NBPF8: variants seen among roughly 807,000 people sequenced by gnomAD.
NBPF8 encodes NBPF member 8, also known as NBPF family member NBPF8.
chr1:120,416,680 G>T (rs1265032126), upstream of NBPF8, among the ~76,000 whole-genome samples: 2 of 133,824 alleles, frequency 1.5e-5, no homozygotes, highest in South Asian at 4.8e-4. Flanking sequence ...TCAAGAAATA[G>T]AACATTACTA....
chr1:120,434,973 A>C (rs2101604918), upstream of NBPF8, among the ~76,000 whole-genome samples: 1 of 64,346 alleles, frequency 1.6e-5, no homozygotes, highest in East Asian at 2.6e-4. Context: ...ATTATTTGCT[A>C]TATAATACAG....
Position 120,466,054 on chromosome 1 carries a change from T to C in NBPF8, n.3645T>C, listed in dbSNP as rs1250768861. 6.8e-6 allele frequency: 11 copies of C among 1,611,874 alleles called. No homozygotes were observed. The Admixed American group carries it at 1.5e-4, about 22-fold the overall frequency. On this transcript the variant is annotated non_coding_transcript_exon_variant, in exon 25 of 25. Transcript: ENST00000583271. ...ACTGGATAGATGTTATTCGACTCCA[T>C]CAATGTACTGTGAACTACGTGACTC...
At chr1:120,425,168 C>T (rs1218563273) in intron 1 of NBPF8, among the ~76,000 whole-genome samples, 5 of 152,174 alleles carry the variant, frequency 3.3e-5, no homozygotes, top group South Asian at 2.1e-4. Context: ...GCCAGACACC[C>T]GTAAAGGGTC....
intron 1 of NBPF8, among the ~76,000 whole-genome samples, chr1:120,420,991 C>T (rs1290593913): frequency 6.9e-6 from 1 of 144,612 alleles, no homozygotes; most frequent in African/African-American, 2.7e-5. Flanking sequence ...GTGAGAATGA[C>T]AAATGGACGA....
At chr1:120,455,258 G>T (rs1661403079) in intron 15 of NBPF8, among the ~76,000 whole-genome samples, 151 bp from the exon 14 acceptor site, 1 of 152,106 alleles carries the variant, frequency 6.6e-6, no homozygotes, top group Non-Finnish European at 1.5e-5. Flanking sequence ...TCTCACCAAA[G>T]TTAATCTAGG....
chr1:120,452,537 C>A (rs1428539978), intron 13 of NBPF8, among the ~76,000 whole-genome samples: 1 of 152,038 alleles, frequency 6.6e-6, no homozygotes, highest in Non-Finnish European at 1.5e-5. Context: ...GTCCCTCCTC[C>A]CTTGATGGAA....
At chr1:120,423,214 C>T (rs1660620157) in intron 1 of NBPF8, among the ~76,000 whole-genome samples, 1 of 131,486 alleles carries the variant, frequency 7.6e-6, no homozygotes, top group Non-Finnish European at 1.5e-5. Flanking sequence ...CAGGATCCCT[C>T]AGATTTTCTC....
chr1:120,450,709 T>G (rs1661242887), intron 11 of NBPF8, among the ~76,000 whole-genome samples: 2 of 152,194 alleles, frequency 1.3e-5, no homozygotes, highest in African/African-American at 4.8e-5. Flanking sequence ...AAGATATGAT[T>G]TAAAAATCAA....
upstream of NBPF8, among the ~76,000 whole-genome samples, chr1:120,431,459 T>G (rs1244494735): frequency 7.2e-6 from 1 of 139,116 alleles, no homozygotes; most frequent in Non-Finnish European, 1.5e-5. Flanking sequence ...AACAGCACAT[T>G]GAAACAATTT....
intron 20 of NBPF8, 116 bp from the exon 19 acceptor site, chr1:120,462,678 A>G (rs1296560474): frequency 3.9e-6 from 1 of 253,794 alleles, no homozygotes; most frequent in East Asian, 9.5e-5. Context: ...TACCTCATTA[A>G]TGGATCTGTC....
rs1661434759 is a variant in NBPF8, at chr1:120,456,309, C to G, written n.2620+849C>G. On this transcript the variant is annotated intron_variant and non_coding_transcript_variant, in intron 16 of 24. Coordinates refer to ENST00000583271, the Ensembl canonical transcript of NBPF8. ...CTTGGTGGAGAGCTGAGTTCAAGTC[C>G]TGGATATCCTTGTTAAGCTTCTGTC... Among the ~76,000 whole-genome samples, 2 of 150,466 alleles carry G rather than the reference C, an allele frequency of 1.3e-5. 1 individual carries two copies. The highest frequency in any genetic ancestry group is 5.0e-5 in the African/African-American group (2 of 40,002).
intron 20 of NBPF8, among the ~76,000 whole-genome samples, 155 bp downstream of exon 18, chr1:120,462,352 G>T (rs1661615766): frequency 6.7e-6 from 1 of 149,558 alleles, no homozygotes; most frequent in African/African-American, 2.5e-5. Flanking sequence ...AAGATGTTTA[G>T]GTTTCCATTT....
chr1:120,466,110 A>G (rs1179938323), exon 25 of NBPF8: 1 of 1,611,220 alleles, frequency 6.2e-7, no homozygotes, highest in Non-Finnish European at 8.5e-7. Flanking sequence ...TGTTTTACTC[A>G]TTTGAGGAAC....
At chr1:120,462,383 C>G (rs1285535422) in intron 20 of NBPF8, among the ~76,000 whole-genome samples, 186 bp downstream of exon 18, 83 of 149,404 alleles carry the variant, frequency 5.6e-4, no homozygotes, top group Non-Finnish European at 1.0e-3. Flanking sequence ...TTATCATTTA[C>G]TAACTTACTA....
At position 120,449,739 on chromosome 1, in the gene NBPF8, C is replaced by G. The variant is rs782501413; in HGVS notation, n.1971+337C>G. On this transcript the variant is annotated intron_variant and non_coding_transcript_variant, in intron 11 of 24. Coordinates refer to ENST00000583271, the Ensembl canonical transcript of NBPF8. ...ATAAGATCCTGCAGACAAATAACAT[C>G]TAGTCTGTTGTTCTAAATGTCTGAG... 2.5e-3 allele frequency among the ~76,000 whole-genome samples: 381 copies of G among 152,256 alleles called. 4 individuals are homozygous for G. Among genetic ancestry groups the G allele is most frequent in the African/African-American group, 8.4e-3 (347 of 41,540 alleles).
intron 20 of NBPF8, among the ~76,000 whole-genome samples, 176 bp downstream of exon 18, chr1:120,462,373 TTA>T (rs1661616202): frequency 6.7e-6 from 1 of 149,646 alleles, no homozygotes; most frequent in Non-Finnish European, 1.5e-5. Flanking sequence ...CTTCCTCCCC[TTA>T]TCATTTACTA....
At chr1:120,466,166 T>C (rs1403522842) in exon 25 of NBPF8, 75 of 1,609,828 alleles carry the variant, frequency 4.7e-5, no homozygotes, top group Non-Finnish European at 5.9e-5. Context: ...TTCTTTACTT[T>C]GACGGTGACA....
At chr1:120,445,877 A>G in exon 8 of NBPF8, 1 of 483,278 alleles carries the variant, frequency 2.1e-6, no homozygotes. Flanking sequence ...TGACGCAGTT[A>G]AAGGAGAAGT....
At chr1:120,424,373 T>A (rs1486462778) in intron 1 of NBPF8, among the ~76,000 whole-genome samples, 27 of 152,058 alleles carry the variant, frequency 1.8e-4, no homozygotes, top group African/African-American at 5.8e-4. Flanking sequence ...AGGAATTTTT[T>A]AAAATCTGCT....
Sources: gnomAD v4.1 joint callset for allele counts (sites outside exome capture counted in the v4.1 genomes callset) on GRCh38, gnomAD v4.1.1 for gene constraint, MANE v1.5 for transcripts, NCBI Gene and HGNC (gene_info 2026-07-23, HGNC 2026-07-21) for gene names.